The following HERC3 variants were observed in gnomAD, a reference collection of about 807,000 sequenced individuals.
HERC3 encodes the protein probable E3 ubiquitin-protein ligase HERC3.
Under a neutral mutation model 129.9 loss-of-function variants are expected in HERC3, and 58 were observed. That is an observed-to-expected ratio of 0.45 (90% CI 0.36 to 0.56). The LOEUF (loss-of-function observed/expected upper bound fraction) is 0.56. HERC3 is among the 20% of genes least tolerant of loss of function. HERC3 has a pLI of 0.00. For missense variants in HERC3, 835 were observed against 1,244.2 expected (o/e 0.67, Z 4.95); for synonymous variants, 430 against 451.0 (o/e 0.95, Z 0.59).
At chr4:88,685,539 T>G (rs1458012383) in intron 21 of HERC3, among the ~76,000 whole-genome samples, 1 of 151,808 alleles carries the variant, frequency 6.6e-6, no homozygotes, top group Non-Finnish European at 1.5e-5. Context: ...TAAGTGGGAG[T>G]TGAACAATGA....
At chr4:88,698,944 T>G (rs2149343705) in intron 23 of HERC3, among the ~76,000 whole-genome samples, 1 of 102,426 alleles carries the variant, frequency 9.8e-6, no homozygotes, top group South Asian at 4.2e-4. Context: ...CACCCCCTTC[T>G]TCCTCACCCA....
rs1732365253 is a variant in HERC3, at chr4:88,678,133, A to G, written c.2195A>G (p.Lys732Arg). The stretch of plus-strand genomic sequence containing the variant: ...GATATTGATTTGAAAAAGCCTCTCA[A>G]AGTGAGTTCCTTCAGGATATTCCTC... ...HSDIDLKKPLKVIFDGEEAVD... is the reference protein window; with the variant it reads ...HSDIDLKKPLRVIFDGEEAVD... Residue 732 changes from lysine to arginine, a missense_variant and splice_region_variant, in exon 19 of 26, where the codon AAA becomes AGA. Coordinates refer to ENST00000402738, the MANE Select transcript of HERC3 (RefSeq NM_014606.3). The G allele has an allele frequency of 6.2e-7, 1 of 1,613,284 alleles. No homozygotes were observed. Among genetic ancestry groups the G allele is most frequent in the Non-Finnish European group, 8.5e-7 (1 of 1,179,834 alleles).
the HERC3 span, among the ~76,000 whole-genome samples, chr4:88,563,599 G>A: frequency 6.6e-6 from 1 of 151,584 alleles, no homozygotes; most frequent in African/African-American, 2.4e-5. Context: ...AAGACTTTCA[G>A]TTGTTCCTAG....
At chr4:88,529,678 C>G in the HERC3 span, among the ~76,000 whole-genome samples, 3 of 150,996 alleles carry the variant, frequency 2.0e-5, no homozygotes, top group Admixed American at 1.3e-4. Context: ...CGCTTGAAAC[C>G]AGATGGCAGA....
intron 2 of HERC3, among the ~76,000 whole-genome samples, chr4:88,603,688 A>G (rs1166422613): frequency 2.6e-5 from 4 of 152,306 alleles, no homozygotes; most frequent in Admixed American, 1.3e-4. Flanking sequence ...AACTTTATCA[A>G]TAGTCAGAAC....
At chr4:88,571,345 A>G in the HERC3 span, among the ~76,000 whole-genome samples, 1 of 152,226 alleles carries the variant, frequency 6.6e-6, no homozygotes, top group South Asian at 2.1e-4. Context: ...TAGTAATGGG[A>G]ATGTCCCTAT....
At chr4:88,531,066 C>A in the HERC3 span, among the ~76,000 whole-genome samples, 7 of 152,076 alleles carry the variant, frequency 4.6e-5, no homozygotes, top group African/African-American at 1.7e-4. Flanking sequence ...CCATGTTGGG[C>A]AGGCTGGTCT....
the HERC3 span, among the ~76,000 whole-genome samples, chr4:88,547,687 G>C: frequency 1.3e-5 from 2 of 152,032 alleles, no homozygotes; most frequent in Non-Finnish European, 2.9e-5. Context: ...ACAGAGTCTC[G>C]CTCTGTCACC....
At chr4:88,608,786 G>A (rs533036534) in intron 3 of HERC3, among the ~76,000 whole-genome samples, 1 of 152,182 alleles carries the variant, frequency 6.6e-6, no homozygotes, top group African/African-American at 2.4e-5. Flanking sequence ...GCATTTGGAG[G>A]GTCATGGCCC....
chr4:88,553,279 C>A, the HERC3 span, among the ~76,000 whole-genome samples: 1 of 152,148 alleles, frequency 6.6e-6, no homozygotes, highest in African/African-American at 2.4e-5. Context: ...TCTAAGATTT[C>A]TAGAATAAGT....
the HERC3 span, among the ~76,000 whole-genome samples, chr4:88,581,984 G>A: frequency 6.6e-6 from 1 of 152,064 alleles, no homozygotes; most frequent in Non-Finnish European, 1.5e-5. Context: ...ATCAAGAGTT[G>A]CCCACTTGAT....
the HERC3 span, among the ~76,000 whole-genome samples, chr4:88,551,824 T>C: frequency 3.2e-4 from 49 of 151,888 alleles, no homozygotes; most frequent in African/African-American, 1.0e-3. Flanking sequence ...GCTATAAAGA[T>C]ACATGCACAC....
At chr4:88,667,271 A>G in intron 12 of HERC3, 106 bp from the exon 13 acceptor site, 1 of 524,424 alleles carries the variant, frequency 1.9e-6, no homozygotes. Context: ...TGCCAGATCA[A>G]ATTTAAATCT....
chr4:88,539,096 C>T, the HERC3 span, among the ~76,000 whole-genome samples: 4 of 152,238 alleles, frequency 2.6e-5, no homozygotes, highest in East Asian at 1.9e-4. Flanking sequence ...ACACAGAGGG[C>T]GAGCCAAAGC....
At chr4:88,693,269 A>G (rs952883601) in intron 23 of HERC3, 2 of 978,284 alleles carry the variant, frequency 2.0e-6, no homozygotes, top group Non-Finnish European at 2.4e-6. Flanking sequence ...GTGCCTTTAA[A>G]TTTGCTTTTT....
At chr4:88,604,464 C>T (rs889990944) in intron 2 of HERC3, among the ~76,000 whole-genome samples, 10 of 152,234 alleles carry the variant, frequency 6.6e-5, no homozygotes, top group Non-Finnish European at 1.5e-4. Flanking sequence ...CTCTTTCCCT[C>T]CAGTCCTAGG....
At chr4:88,618,021 G>A (rs1406186236) in intron 3 of HERC3, among the ~76,000 whole-genome samples, 3 of 152,244 alleles carry the variant, frequency 2.0e-5, no homozygotes, top group Non-Finnish European at 2.9e-5. Context: ...CTGGAAGCGA[G>A]GATGTTGAGA....
At chr4:88,636,113 G>A (rs1364578132) in intron 3 of HERC3, among the ~76,000 whole-genome samples, 4 of 152,074 alleles carry the variant, frequency 2.6e-5, no homozygotes, top group Non-Finnish European at 5.9e-5. Flanking sequence ...TAACCAGCTA[G>A]CGTCATGATG....
At chr4:88,691,741 A>C (rs1055604557) in intron 23 of HERC3, among the ~76,000 whole-genome samples, 1 of 152,250 alleles carries the variant, frequency 6.6e-6, no homozygotes, top group Non-Finnish European at 1.5e-5. Context: ...GGCTGTATGA[A>C]GTTGTAAAAG....
Sources: allele counts gnomAD v4.1 joint callset (sites outside exome capture counted in the v4.1 genomes callset), GRCh38; gene constraint gnomAD v4.1.1; transcripts MANE v1.5; gene names NCBI Gene and HGNC (gene_info 2026-07-23, HGNC 2026-07-21).